Variants in FAM13A observed in about 807,000 individuals in gnomAD.
FAM13A encodes the protein family with sequence similarity 13 member A.
A neutral mutation model predicts 129.6 loss-of-function variants in FAM13A; 76 were observed. The ratio of observed to expected loss-of-function variants is 0.59; its 90% confidence interval spans 0.49 to 0.71. FAM13A has a LOEUF of 0.71. Ranked by LOEUF, FAM13A falls within the 30% of genes least tolerant of loss-of-function variation. FAM13A has a pLI of 0.00. For synonymous variants in FAM13A, 443 were observed against 449.9 expected, an observed-to-expected ratio of 0.98 and a Z score of 0.20; for missense variants, 1,108 against 1,249.3, an observed-to-expected ratio of 0.89 and a Z score of 1.70.
At chr4:88,827,686 C>G (rs560556110) in intron 7 of FAM13A, among the ~76,000 whole-genome samples, 1 of 152,194 alleles carries the variant, frequency 6.6e-6, no homozygotes, top group Non-Finnish European at 1.5e-5. Flanking sequence ...TCAACCAAAT[C>G]TATTGATTGA....
intron 1 of FAM13A, among the ~76,000 whole-genome samples, chr4:89,047,578 T>C (rs995553336): frequency 6.6e-6 from 1 of 152,196 alleles, no homozygotes; most frequent in Non-Finnish European, 1.5e-5. Flanking sequence ...TATTCATGAA[T>C]GGGAGATGAA....
intron 6 of FAM13A, among the ~76,000 whole-genome samples, chr4:88,858,772 T>G (rs1431745970): frequency 6.6e-6 from 1 of 152,108 alleles, no homozygotes; most frequent in African/African-American, 2.4e-5. Flanking sequence ...TGGGGTTTCT[T>G]TTGAGGGTAA....
intron 4 of FAM13A, among the ~76,000 whole-genome samples, chr4:88,955,261 A>G (rs947276426): frequency 6.6e-6 from 1 of 152,148 alleles, no homozygotes; most frequent in Non-Finnish European, 1.5e-5. Context: ...TTCAGTTTTG[A>G]TAACAACAGA....
In FAM13A at chr4:88,938,076, C is replaced by G; in HGVS notation, c.759+12G>C. The G allele has an allele frequency of 1.2e-6, 2 of 1,607,492 alleles. No homozygotes were observed. Among genetic ancestry groups the G allele is most frequent in the Middle Eastern group, 1.7e-4 (1 of 6,052 alleles). On this transcript the variant is annotated intron_variant, in intron 5 of 23. Transcript: ENST00000264344. ...TATAGCAATACTGAAAATTAAAAACCAAGTTGCTTACTTTTACTATGATAA... is the reference window on the plus strand; with the variant it reads ...TATAGCAATACTGAAAATTAAAAACGAAGTTGCTTACTTTTACTATGATAA...
intron 14 of FAM13A, among the ~76,000 whole-genome samples, chr4:88,757,121 T>C (rs1408984055): frequency 6.9e-6 from 1 of 145,870 alleles, no homozygotes; most frequent in Non-Finnish European, 1.5e-5. Context: ...AGGAAAATTC[T>C]TTATGTTAAT....
At chr4:88,993,057 T>A (rs148171072) in intron 3 of FAM13A, among the ~76,000 whole-genome samples, 2 of 152,306 alleles carry the variant, frequency 1.3e-5, no homozygotes, top group East Asian at 3.9e-4. Flanking sequence ...ATTGAGAGGC[T>A]TCAGAGCACA....
At position 88,916,082 on chromosome 4, in the gene FAM13A, C is replaced by T. The variant is rs190340468; in HGVS notation, c.760-9620G>A. 1.1e-3 allele frequency among the ~76,000 whole-genome samples: 172 copies of T among 152,246 alleles called. 2 individuals carry two copies. The highest frequency in any genetic ancestry group is 2.2e-4 in the Non-Finnish European group (15 of 68,006). On this transcript the variant is annotated intron_variant, in intron 5 of 23. Coordinates refer to ENST00000264344, the MANE Select transcript of FAM13A (RefSeq NM_014883.4). ...AGAGGAAGAGAGATTTGAACTAGCA[C>T]ACTTAGCCCCCTAACTATGTGATGC...
intron 4 of FAM13A, among the ~76,000 whole-genome samples, chr4:88,974,111 G>A (rs1488768161): frequency 6.6e-6 from 1 of 152,188 alleles, no homozygotes; most frequent in Non-Finnish European, 1.5e-5. Flanking sequence ...TTCACTGTGA[G>A]AATCGGGTAG....
At chr4:88,733,741 T>C (rs1738380321) in intron 21 of FAM13A, among the ~76,000 whole-genome samples, 1 of 152,266 alleles carries the variant, frequency 6.6e-6, no homozygotes, top group Non-Finnish European at 1.5e-5. Context: ...TGTTAAGCAG[T>C]CTAGTAATTC....
intron 5 of FAM13A, among the ~76,000 whole-genome samples, chr4:88,918,280 T>C (rs144716604): frequency 4.6e-5 from 7 of 152,364 alleles, no homozygotes; most frequent in Non-Finnish European, 7.3e-5. Flanking sequence ...CTATCACTTA[T>C]ATAGTAGTTA....
At chr4:88,734,795 C>A (rs547243773) in intron 21 of FAM13A, among the ~76,000 whole-genome samples, 3 of 152,310 alleles carry the variant, frequency 2.0e-5, no homozygotes, top group African/African-American at 7.2e-5. Context: ...CCCCAAAGGT[C>A]AGCAGTGCTG....
intron 6 of FAM13A, among the ~76,000 whole-genome samples, chr4:88,890,966 AATTG>A (rs1187911336): frequency 1.3e-5 from 2 of 152,220 alleles, no homozygotes; most frequent in Non-Finnish European, 1.5e-5. Flanking sequence ...CCATAAAAGA[AATTG>A]ATTATTAAAA....
At chr4:89,004,965 G>A (rs1764807491) in intron 3 of FAM13A, among the ~76,000 whole-genome samples, 1 of 130,934 alleles carries the variant, frequency 7.6e-6, no homozygotes, top group South Asian at 2.9e-4. Flanking sequence ...TGTTACATAG[G>A]TAAACTCATG....
chr4:88,727,115 G>C lies in FAM13A; in HGVS notation c.*1418C>G, dbSNP rs968852736. The C allele has an allele frequency of 3.3e-5, 5 of 152,330 alleles. No individual in the cohort carries two copies. Among genetic ancestry groups the C allele is most frequent in the African/African-American group, 1.2e-4 (5 of 41,438 alleles). The allele number at this position is 152,330 out of a possible 1,614,324, so 9.4% of individuals were successfully genotyped here. ...GAAGGCAACTTTCAAAACATACGAG[G>C]GTGCCTCTGCTGTGTGTTCATACTG... On this transcript the variant is annotated 3_prime_UTR_variant, in exon 24 of 24. Coordinates refer to ENST00000264344, the MANE Select transcript of FAM13A (RefSeq NM_014883.4).
intron 7 of FAM13A, among the ~76,000 whole-genome samples, chr4:88,845,371 C>CT (rs1188973490): frequency 2.0e-5 from 3 of 152,002 alleles, no homozygotes; most frequent in Non-Finnish European, 4.4e-5. Flanking sequence ...TAGGACTGAG[C>CT]TCAGGCCTGA....
At position 88,768,034 on chromosome 4, in the gene FAM13A, C is replaced by A. The variant is rs753700549; in HGVS notation, c.1484G>T (p.Arg495Leu). 2 of 1,608,318 alleles carry A rather than the reference C, an allele frequency of 1.2e-6. No homozygotes were observed. The highest frequency in any genetic ancestry group is 1.7e-6 in the Non-Finnish European group (2 of 1,175,214). ...LVNMESLNST[R>L]SHERTGPDDF... is the part of the protein sequence containing the mutation. Reference sequence around the variant, plus strand: ...ATCAGGTCCAGTTCTCTCATGAGATCGTGTGGAATTGAGACTTTCCATATT... The same window carrying A: ...ATCAGGTCCAGTTCTCTCATGAGATAGTGTGGAATTGAGACTTTCCATATT... Residue 495 changes from arginine to leucine, a missense_variant, in exon 12 of 24, where the codon CGA becomes CTA. By Grantham distance (102) the Arg-to-Leu change is moderately radical (BLOSUM62 -2). This residue lies in a region of FAM13A where 566 missense variants were observed against 595.7 expected (regional missense o/e 0.95). Transcript: ENST00000264344.
chr4:88,971,086 TAGGCAGGAGAAGCTG>T (rs1329296194), intron 4 of FAM13A, among the ~76,000 whole-genome samples: 1 of 152,060 alleles, frequency 6.6e-6, no homozygotes, highest in Non-Finnish European at 1.5e-5. Context: ...CGGGCGCCTG[TAGGCAGGAGAAGCTG>T]AGGCAGGAGA....
chr4:88,780,244 C>A (rs1722585549), intron 11 of FAM13A, among the ~76,000 whole-genome samples: 1 of 152,116 alleles, frequency 6.6e-6, no homozygotes, highest in Non-Finnish European at 1.5e-5. Flanking sequence ...AATTAGAAAT[C>A]TTCTCCGAGC....
chr4:88,783,259 G>A (rs1273069508), intron 10 of FAM13A, among the ~76,000 whole-genome samples: 1 of 151,216 alleles, frequency 6.6e-6, no homozygotes, highest in Non-Finnish European at 1.5e-5. Flanking sequence ...CCTAGCTTTT[G>A]GGGTATATGT....
Sources: gnomAD v4.1 joint callset for allele counts (sites outside exome capture counted in the v4.1 genomes callset) on GRCh38, gnomAD v4.1.1 for gene constraint, gnomAD v4.1.1 regional missense constraint, MANE v1.5 for transcripts, NCBI Gene and HGNC (gene_info 2026-07-23, HGNC 2026-07-21) for gene names.